Variants in PCMT1 observed in about 807,000 individuals in gnomAD.
PCMT1 encodes protein-L-isoaspartate(D-aspartate) O-methyltransferase.
PCMT1 carries 9 observed loss-of-function variants against 29.2 expected under a neutral mutation model. The ratio of observed to expected loss-of-function variants is 0.31; its 90% CI spans 0.19 to 0.54. The LOEUF (loss-of-function observed/expected upper bound fraction) is 0.54. PCMT1 is among the 20% of genes least tolerant of loss of function. The pLI is 0.95. For synonymous variants in PCMT1, 98 were observed against 97.5 expected (o/e 1.00, Z -0.03); for missense variants, 184 against 282.2 (o/e 0.65, Z 2.49).
At chr6:149,753,420 C>T (rs1263676391) in intron 1 of PCMT1, among the ~76,000 whole-genome samples, 1 of 151,982 alleles carries the variant, frequency 6.6e-6, no homozygotes, top group Non-Finnish European at 1.5e-5. Context: ...ACAACCTCTG[C>T]TTCCCAGGTT....
intron 1 of PCMT1, among the ~76,000 whole-genome samples, chr6:149,751,366 C>T (rs1431456287): frequency 6.6e-6 from 1 of 151,892 alleles, no homozygotes; most frequent in African/African-American, 2.4e-5. Context: ...TAACAGTCAT[C>T]CCTTTTTTTC....
chr6:149,786,455 G>A (rs1357378043), intron 3 of PCMT1, among the ~76,000 whole-genome samples: 7 of 140,692 alleles, frequency 5.0e-5, no homozygotes, highest in Non-Finnish European at 4.6e-5. Context: ...GCTGCTGGGC[G>A]GAGACGCTCC....
intron 5 of PCMT1, 171 bp from the exon 6 acceptor site, chr6:149,796,244 C>T (rs1788608078): frequency 2.3e-6 from 1 of 439,340 alleles, no homozygotes; most frequent in Non-Finnish European, 4.1e-6. Flanking sequence ...TCTGACCAAA[C>T]AAAAAATAAA....
At chr6:149,793,695 T>G in intron 5 of PCMT1, 26 bp downstream of exon 5, 2 of 1,520,960 alleles carry the variant, frequency 1.3e-6, no homozygotes, top group Non-Finnish European at 1.7e-6. Flanking sequence ...CTTTAAAAAT[T>G]TCTTCAGAGG....
intron 4 of PCMT1, among the ~76,000 whole-genome samples, chr6:149,790,408 G>A (rs1788311552): frequency 6.6e-6 from 1 of 152,052 alleles, no homozygotes; most frequent in Admixed American, 6.6e-5. Context: ...GTCATTATCC[G>A]GTAAGCTCTA....
At chr6:149,750,244 A>G in intron 1 of PCMT1, 1 of 454,448 alleles carries the variant, frequency 2.2e-6, no homozygotes, top group Non-Finnish European at 3.9e-6. Context: ...AGTGCAGTAC[A>G]GGTGATGCTG....
Position 149,804,753 on chromosome 6 carries a change from C to T in PCMT1, c.*37+2337C>T, listed in dbSNP as rs151141284. On this transcript the variant is annotated intron_variant, in intron 7 of 7. Coordinates refer to ENST00000464889, the MANE Select transcript of PCMT1 (RefSeq NM_001360452.2). ...CTGACCTCAGGTGATCTGCCCGCCT[C>T]GGCCTCCCAAAGTGCTAGGATTACA... 5.2e-3 allele frequency among the ~76,000 whole-genome samples: 791 copies of T among 152,098 alleles called. 6 individuals are homozygous for T. The highest frequency in any genetic ancestry group is 0.018 in the African/African-American group (762 of 41,502).
intron 1 of PCMT1, among the ~76,000 whole-genome samples, chr6:149,757,336 C>T (rs1786548396): frequency 6.6e-6 from 1 of 152,058 alleles, no homozygotes; most frequent in African/African-American, 2.4e-5. Context: ...GGCTGTATTA[C>T]ATTCTGGTTA....
chr6:149,756,893 G>A (rs972297668), intron 1 of PCMT1, among the ~76,000 whole-genome samples: 1 of 151,954 alleles, frequency 6.6e-6, no homozygotes, highest in East Asian at 1.9e-4. Context: ...GGTGGGTCAT[G>A]CCTGTAATCC....
chr6:149,784,522 A>G (rs964677438), intron 3 of PCMT1, among the ~76,000 whole-genome samples: 1 of 151,446 alleles, frequency 6.6e-6, no homozygotes, highest in Non-Finnish European at 1.5e-5. Context: ...CCAGGCTGGA[A>G]TGTAGTAGCG....
At chr6:149,775,652 G>A (rs1787532265) in intron 3 of PCMT1, among the ~76,000 whole-genome samples, 2 of 152,246 alleles carry the variant, frequency 1.3e-5, no homozygotes, top group East Asian at 1.9e-4. Context: ...AGGCTGCAGT[G>A]AGCCATGATT....
At chr6:149,795,133 C>G in intron 5 of PCMT1, 1 of 314,358 alleles carries the variant, frequency 3.2e-6, no homozygotes, top group Non-Finnish European at 6.1e-6. Flanking sequence ...GCGGAGGTTG[C>G]AGTGAGCTGA....
At chr6:149,801,532 C>T (rs1011167916) in intron 6 of PCMT1, among the ~76,000 whole-genome samples, 1 of 152,128 alleles carries the variant, frequency 6.6e-6, no homozygotes, top group African/African-American at 2.4e-5. Flanking sequence ...ACTGCAGCCT[C>T]CATCTCTGGG....
chr6:149,774,538 CT>C (rs34761342), intron 3 of PCMT1, among the ~76,000 whole-genome samples: 55,840 of 116,722 alleles, frequency 0.48, 14,433 homozygotes, highest in East Asian at 0.8. Flanking sequence ...TGGGCCCAGT[CT>C]TTTTTTTTTT....
chr6:149,786,804 G>C (rs1377069731), intron 3 of PCMT1, among the ~76,000 whole-genome samples: 1 of 150,020 alleles, frequency 6.7e-6, no homozygotes, highest in Non-Finnish European at 1.5e-5. Flanking sequence ...GATGGTGGCC[G>C]GAAAGAGGCG....
At chr6:149,789,066 A>AT (rs56661461) in intron 3 of PCMT1, among the ~76,000 whole-genome samples, 3,773 of 90,434 alleles carry the variant, frequency 0.042, 176 homozygotes, top group African/African-American at 0.064. Context: ...ATTGGATCTG[A>AT]TTTTTTTTTT....
chr6:149,763,058 GATATAT>G lies in PCMT1; in HGVS notation c.56-8099_56-8094del, dbSNP rs1223542934. Among the ~76,000 whole-genome samples, 7 of 56,274 alleles carry G rather than the reference GATATAT, an allele frequency of 1.2e-4. 1 individual carries two copies. Among genetic ancestry groups the G allele is most frequent in the South Asian group, 5.3e-4 (1 of 1,888 alleles). The allele number at this position is 56,274 out of a possible 152,430, so 36.9% of individuals were successfully genotyped here. ...TGATATCTATGATATGTATATCTAT[GATATAT>G]ATATCTATGATATGTATATCTATGA... On this transcript the variant is annotated intron_variant, in intron 1 of 7. Coordinates refer to ENST00000464889, the MANE Select transcript of PCMT1 (RefSeq NM_001360452.2).
chr6:149,804,163 CAACT>C (rs761680304), intron 7 of PCMT1, among the ~76,000 whole-genome samples: 23 of 147,740 alleles, frequency 1.6e-4, no homozygotes, highest in Non-Finnish European at 8.9e-5. Context: ...TAGTTATTAA[CAACT>C]AACTAAAACC....
intron 1 of PCMT1, among the ~76,000 whole-genome samples, chr6:149,754,626 A>T (rs988947958): frequency 6.6e-6 from 1 of 152,192 alleles, no homozygotes; most frequent in Non-Finnish European, 1.5e-5. Context: ...CCCCAAGTCA[A>T]CTGAGGTCTG....
Sources: allele counts gnomAD v4.1 joint callset (sites outside exome capture counted in the v4.1 genomes callset), GRCh38; gene constraint gnomAD v4.1.1; transcripts MANE v1.5; gene names NCBI Gene and HGNC (gene_info 2026-07-23, HGNC 2026-07-21).